Variants in RHD observed in about 807,000 individuals in gnomAD.
The protein encoded by RHD is Rh blood group D antigen.
In RHD, 16 loss-of-function variants were observed where a neutral mutation model predicts 45.5. The observed-to-expected ratio is 0.35, with a 90% CI of 0.24 to 0.53. RHD has a LOEUF of 0.53. Ranked by LOEUF, RHD falls within the 20% of genes least tolerant of loss-of-function variation. The pLI is 0.92. For missense variants in RHD, 306 were observed against 532.0 expected, an observed-to-expected ratio of 0.58 and a Z score of 4.18; for synonymous variants, 131 against 217.5, an observed-to-expected ratio of 0.60 and a Z score of 3.50.
intron 6 of RHD, chr1:25,304,859 T>A (rs889212357): frequency 7.6e-6 from 1 of 131,780 alleles, no homozygotes; most frequent in African/African-American, 2.6e-5. Context: ...AAAGAACACA[T>A]AGCAAGTTAT....
At chr1:25,282,084 T>C (rs2124612408) in intron 1 of RHD, among the ~76,000 whole-genome samples, 1 of 132,162 alleles carries the variant, frequency 7.6e-6, no homozygotes, top group Admixed American at 7.4e-5. Flanking sequence ...GTTCTCCATG[T>C]GCCAGTCACT....
intron 7 of RHD, among the ~76,000 whole-genome samples, chr1:25,308,772 G>A (rs1300706877): frequency 7.8e-6 from 1 of 128,780 alleles, no homozygotes; most frequent in African/African-American, 2.7e-5. Flanking sequence ...CAAAGGGAAG[G>A]GCATAGTGAC....
In RHD at chr1:25,275,317, A is replaced by G. The variant is rs1349348189; in HGVS notation, c.148+2622A>G. 3.0e-5 allele frequency among the ~76,000 whole-genome samples: 4 copies of G among 131,854 alleles called. 1 individual carries two copies. Among genetic ancestry groups the G allele is most frequent in the African/African-American group, 1.0e-4 (4 of 38,690 alleles). The allele number at this position is 131,854 out of a possible 152,430, so 86.5% of individuals were successfully genotyped here. ...AAATAATAGTAATAAATAAAAATAA[A>G]GAGGGAAGCAGCGGGTGGCAGACTC... On this transcript the variant is annotated intron_variant, in intron 1 of 9. Transcript: ENST00000328664.
chr1:25,322,162 C>T (rs1194666355), intron 9 of RHD, among the ~76,000 whole-genome samples, 200 bp downstream of exon 9: 1 of 131,142 alleles, frequency 7.6e-6, no homozygotes, highest in African/African-American at 2.6e-5. Context: ...TGGTAAAGGT[C>T]ACCATTTCCC....
chr1:25,277,684 C>T (rs1167396092), intron 1 of RHD, among the ~76,000 whole-genome samples: 1 of 126,114 alleles, frequency 7.9e-6, no homozygotes, highest in African/African-American at 2.7e-5. Flanking sequence ...TTATCAAAAG[C>T]TTTTTTTTTG....
chr1:25,295,794 A>T (rs1299854394), intron 3 of RHD, among the ~76,000 whole-genome samples: 3 of 99,166 alleles, frequency 3.0e-5, no homozygotes, highest in Non-Finnish European at 7.0e-5. Context: ...TCTTCAAGGG[A>T]GCTGGGGATG....
At position 25,312,621 on chromosome 1, in the gene RHD, A is replaced by G. The variant is rs1418857894; in HGVS notation, c.1074-4379A>G. 1.0e-4 allele frequency among the ~76,000 whole-genome samples: 13 copies of G among 129,354 alleles called. 2 individuals are homozygous for G. Among genetic ancestry groups the G allele is most frequent in the African/African-American group, 2.4e-4 (9 of 38,072 alleles). 84.9% of individuals were successfully genotyped at this position (129,354 alleles called of 152,430 possible). On this transcript the variant is annotated intron_variant, in intron 7 of 9. Transcript: ENST00000328664. ...AAAAATTAGCCAGGTATTGTGGCAT[A>G]TACCTGTAATTCTAGCTACTCAGGA... is the stretch of plus-strand genomic sequence containing the variant.
At position 25,309,441 on chromosome 1, in the gene RHD, C is replaced by T. The variant is rs1644025111; in HGVS notation, c.1073+2712C>T. On this transcript the variant is annotated intron_variant, in intron 7 of 9. Coordinates refer to ENST00000328664, the MANE Select transcript of RHD (RefSeq NM_016124.6). ...CTGCCATATCTGGGAGAGATTTTAG[C>T]AACATTTTGTTTTCATTGTATCTCT... 1.5e-5 allele frequency among the ~76,000 whole-genome samples: 2 copies of T among 131,680 alleles called. 1 individual carries two copies. The highest frequency in any genetic ancestry group is 3.6e-5 in the Non-Finnish European group (2 of 55,926). 86.4% of individuals were successfully genotyped at this position (131,680 alleles called of 152,430 possible). A position where few individuals can be genotyped will look rare whatever the true frequency, so the allele number is the denominator to read the frequency against.
Position 25,318,434 on chromosome 1 carries a change from A to C in RHD, c.1153+1355A>C, listed in dbSNP as rs1644523353. 1.5e-5 allele frequency among the ~76,000 whole-genome samples: 2 copies of C among 130,826 alleles called. 1 individual carries two copies. Among genetic ancestry groups the C allele is most frequent in the Non-Finnish European group, 3.6e-5 (2 of 55,132 alleles). The allele number at this position is 130,826 out of a possible 152,430, so 85.8% of individuals were successfully genotyped here. A position where few individuals can be genotyped will look rare whatever the true frequency, so the allele number is the denominator to read the frequency against. ...AAAACCCTGTCTCTACCAGAAATACAAAAATTAGCCAGGCGTGGTGGCGTG... is the reference window on the plus strand; with the variant it reads ...AAAACCCTGTCTCTACCAGAAATACCAAAATTAGCCAGGCGTGGTGGCGTG... On this transcript the variant is annotated intron_variant, in intron 8 of 9. Transcript: ENST00000328664.
rs552716115 is a variant in RHD at position 25,319,579 on chromosome 1, A to G, written c.1154-2310A>G. Among the ~76,000 whole-genome samples the G allele has an allele frequency of 6.8e-5, 9 of 132,546 alleles. 1 individual carries two copies. Among genetic ancestry groups the G allele is most frequent in the African/African-American group, 2.3e-4 (9 of 38,976 alleles). The allele number at this position is 132,546 out of a possible 152,430, so 87.0% of individuals were successfully genotyped here. ...AGCTGAGATCATGCCACTGCACTCCAGCCTGGACAACAGAGCAAGACCCTG... is the reference window on the plus strand; with the variant it reads ...AGCTGAGATCATGCCACTGCACTCCGGCCTGGACAACAGAGCAAGACCCTG... On this transcript the variant is annotated intron_variant, in intron 8 of 9. Coordinates refer to ENST00000328664, the MANE Select transcript of RHD (RefSeq NM_016124.6).
intron 1 of RHD, among the ~76,000 whole-genome samples, chr1:25,280,605 CTTTTTTT>C (rs71014346): frequency 3.3e-5 from 2 of 60,736 alleles, no homozygotes; most frequent in African/African-American, 9.4e-5. Flanking sequence ...TGTGCCTGGC[CTTTTTTT>C]TTTTTTTTTT....
At position 25,304,919 on chromosome 1, in the gene RHD, A is replaced by T. The variant is rs1643678044; in HGVS notation, c.939+1460A>T. On this transcript the variant is annotated intron_variant, in intron 6 of 9. Transcript: ENST00000328664. ...TCCCTGAGCTTGTTTCCTTGACTTC[A>T]TCACTGGCAGGACTATTCAAAAATG... The T allele has an allele frequency of 1.5e-5, 2 of 132,076 alleles. 1 individual carries two copies. Among genetic ancestry groups the T allele is most frequent in the Non-Finnish European group, 3.6e-5 (2 of 55,882 alleles). 8.2% of individuals were successfully genotyped at this position (132,076 alleles called of 1,614,324 possible).
chr1:25,298,024 T>G (rs1182328129), intron 3 of RHD, among the ~76,000 whole-genome samples: 1 of 125,434 alleles, frequency 8.0e-6, no homozygotes, highest in Non-Finnish European at 1.9e-5. Flanking sequence ...GAAAAACGTG[T>G]CCCCTCCACC....
chr1:25,290,550 T>TGAAA lies in RHD; in HGVS notation c.336-87_336-84dup, dbSNP rs541371580. The stretch of plus-strand genomic sequence containing the variant: ...AAAGTAGGTGCCCAACAGTGTTTGT[T>TGAAA]GAAAGAATGAATGAATGAATGAATG... On this transcript the variant is annotated intron_variant, in intron 2 of 9. Transcript: ENST00000328664. 423 of 1,104,474 alleles carry TGAAA rather than the reference T, an allele frequency of 3.8e-4. 59 individuals carry two copies. The African/African-American group carries it at 5.5e-3, about 14-fold the overall frequency. The allele number at this position is 1,104,474 out of a possible 1,614,324, so 68.4% of individuals were successfully genotyped here. A position where few individuals can be genotyped will look rare whatever the true frequency, so the allele number is the denominator to read the frequency against.
At chr1:25,299,989 A>T (rs1316542971) in intron 3 of RHD, among the ~76,000 whole-genome samples, 6 of 131,214 alleles carry the variant, frequency 4.6e-5, no homozygotes, top group African/African-American at 1.6e-4. Flanking sequence ...ACCTCAGGTG[A>T]TCCACCCACC....
chr1:25,307,978 G>A (rs1203852775), intron 7 of RHD, among the ~76,000 whole-genome samples: 1 of 127,188 alleles, frequency 7.9e-6, no homozygotes, highest in East Asian at 2.0e-4. Flanking sequence ...TGAAAGATGA[G>A]GACTTGACCT....
Position 25,329,511 on chromosome 1 carries a change from G to GAA in RHD, c.*587_*588insAA, listed in dbSNP as rs1644946833. The GAA allele has an allele frequency of 4.9e-6, 1 of 205,446 alleles. No homozygotes were observed. The highest frequency in any genetic ancestry group is 2.5e-5 in the African/African-American group (1 of 39,882). The allele number at this position is 205,446 out of a possible 1,614,324, so 12.7% of individuals were successfully genotyped here. A position where few individuals can be genotyped will look rare whatever the true frequency, so the allele number is the denominator to read the frequency against. ...GCCCGCCTCGGCCTCCCAAAGTGCT[G>GAA]GAACCACAGGCCTGAGCCACTGTGC... On this transcript the variant is annotated 3_prime_UTR_variant, in exon 10 of 10. Coordinates refer to ENST00000328664, the MANE Select transcript of RHD (RefSeq NM_016124.6).
Position 25,275,909 on chromosome 1 carries a change from T to C in RHD, c.148+3214T>C, listed in dbSNP as rs1357529689. ...ACTCTGCCTTTTCCCTTTTGTTCAC[T>C]TGACTGCCATTATTTCTATGCTTCC... is the stretch of plus-strand genomic sequence containing the variant. On this transcript the variant is annotated intron_variant, in intron 1 of 9. Transcript: ENST00000328664. 4.5e-5 allele frequency among the ~76,000 whole-genome samples: 6 copies of C among 132,800 alleles called. 1 individual carries two copies. Among genetic ancestry groups the C allele is most frequent in the African/African-American group, 1.5e-4 (6 of 38,982 alleles). 87.1% of individuals were successfully genotyped at this position (132,800 alleles called of 152,430 possible).
chr1:25,287,041 C>T (rs111704447), intron 2 of RHD, among the ~76,000 whole-genome samples: 2,804 of 134,834 alleles, frequency 0.021, 437 homozygotes, highest in African/African-American at 0.066. Flanking sequence ...TATAGTGAGC[C>T]GAGATCGCAC....
Sources: allele counts gnomAD v4.1 joint callset (sites outside exome capture counted in the v4.1 genomes callset), GRCh38; gene constraint gnomAD v4.1.1; transcripts MANE v1.5; gene names NCBI Gene and HGNC (gene_info 2026-07-23, HGNC 2026-07-21).